SMAD2: variants seen among roughly 807,000 people sequenced by gnomAD.
The protein encoded by SMAD2 is SMAD family member 2.
Under a neutral mutation model 64.4 loss-of-function variants are expected in SMAD2, and 8 were observed. That is an observed-to-expected ratio of 0.12 (90% CI 0.07 to 0.22). The LOEUF is 0.22. SMAD2 is among the 10% of genes least tolerant of loss of function. SMAD2 has a pLI of 1.00. For missense variants in SMAD2, 289 were observed against 561.2 expected (o/e 0.51, Z 4.90); for synonymous variants, 203 against 195.8 (o/e 1.04, Z -0.31).
At chr18:47,898,737 A>G (rs1399226607) in intron 1 of SMAD2, among the ~76,000 whole-genome samples, 1 of 152,134 alleles carries the variant, frequency 6.6e-6, no homozygotes, top group Non-Finnish European at 1.5e-5. Flanking sequence ...TAAAATACAC[A>G]TGACAATTAA....
At chr18:47,846,610 C>T (rs535102865) in intron 8 of SMAD2, among the ~76,000 whole-genome samples, 1 of 152,148 alleles carries the variant, frequency 6.6e-6, no homozygotes, top group African/African-American at 2.4e-5. Flanking sequence ...AAGAGACATT[C>T]TCCATTGCTG....
chr18:47,857,312 CATGA>C (rs935164434), intron 6 of SMAD2, among the ~76,000 whole-genome samples: 5 of 151,610 alleles, frequency 3.3e-5, no homozygotes, highest in Admixed American at 2.0e-4. Flanking sequence ...ATATATAATG[CATGA>C]ATGATCATTT....
intron 2 of SMAD2, among the ~76,000 whole-genome samples, chr18:47,880,009 T>TA (rs2032494700): frequency 1.3e-5 from 2 of 152,230 alleles, no homozygotes; most frequent in Non-Finnish European, 2.9e-5. Flanking sequence ...CTGTCCATTT[T>TA]AAAATTAGGC....
chr18:47,842,547 G>A (rs1440741197), intron 10 of SMAD2, among the ~76,000 whole-genome samples: 3 of 151,878 alleles, frequency 2.0e-5, no homozygotes, highest in South Asian at 4.2e-4. Context: ...TCGGGGTGGG[G>A]GGCAGAAAAA....
At chr18:47,911,784 G>A (rs147790929) in intron 1 of SMAD2, among the ~76,000 whole-genome samples, 41 of 152,256 alleles carry the variant, frequency 2.7e-4, no homozygotes, top group Non-Finnish European at 4.6e-4. Context: ...CCTATAATAC[G>A]ACACATAAAT....
At chr18:47,842,579 G>A (rs1322689405) in intron 10 of SMAD2, among the ~76,000 whole-genome samples, 2 of 152,128 alleles carry the variant, frequency 1.3e-5, no homozygotes, top group South Asian at 2.1e-4. Context: ...AAGGAGACAC[G>A]TGAATCAGGA....
In SMAD2 at chr18:47,894,932, C is replaced by T. The variant is rs149798301; in HGVS notation, c.236+1589G>A. ...GAAGTCCTCAGTTCCACTTCTAAAA[C>T]CCATGCCAAATCTGTTTACTTCGTG... On this transcript the variant is annotated intron_variant, in intron 2 of 10. Transcript: ENST00000262160. Among the ~76,000 whole-genome samples the T allele has an allele frequency of 2.5e-3, 382 of 152,290 alleles. 2 individuals are homozygous for T. The highest frequency in any genetic ancestry group is 6.8e-3 in the Middle Eastern group (2 of 294).
intron 5 of SMAD2, chr18:47,867,502 A>C (rs1177712349): frequency 2.0e-5 from 3 of 151,992 alleles, no homozygotes; most frequent in African/African-American, 7.2e-5. Context: ...GTATAAAATA[A>C]GAGTGGAATA....
chr18:47,845,095 A>G, intron 10 of SMAD2: 1 of 609,536 alleles, frequency 1.6e-6, no homozygotes, highest in South Asian at 2.0e-5. Context: ...CACCCCTTTT[A>G]TGATATTTAA....
intron 2 of SMAD2, among the ~76,000 whole-genome samples, chr18:47,887,622 T>C (rs999084796): frequency 6.6e-5 from 10 of 152,300 alleles, no homozygotes; most frequent in African/African-American, 1.9e-4. Context: ...GTCTACTTTG[T>C]CCATGGGGGT....
chr18:47,858,873 A>G (rs917710314), intron 6 of SMAD2, among the ~76,000 whole-genome samples: 2 of 152,164 alleles, frequency 1.3e-5, no homozygotes, highest in African/African-American at 4.8e-5. Context: ...AGAGAGAACA[A>G]ATAGACAAAC....
intron 2 of SMAD2, among the ~76,000 whole-genome samples, chr18:47,882,041 CTTTTTTTTTTT>C (rs71162900): frequency 5.1e-4 from 20 of 38,868 alleles, no homozygotes; most frequent in Non-Finnish European, 9.6e-4. Context: ...CCACGCTTGG[CTTTTTTTTTTT>C]TTTTTTTTTT....
Position 47,818,234 on chromosome 18 carries a change from A to AG in SMAD2, c.*23592dup, listed in dbSNP as rs1912439086. The AG allele has an allele frequency of 6.6e-6, 1 of 152,210 alleles. No homozygotes were observed. Among genetic ancestry groups the AG allele is most frequent in the South Asian group, 2.1e-4 (1 of 4,830 alleles). The allele number at this position is 152,210 out of a possible 1,614,324, so 9.4% of individuals were successfully genotyped here. A position where few individuals can be genotyped will look rare whatever the true frequency, so the allele number is the denominator to read the frequency against. ...TACGGCATTCCAGCCAAGAACAAAA[A>AG]GAAAAAAAAAGGTCTTAAAGGGCCT... is the stretch of plus-strand genomic sequence containing the variant. On this transcript the variant is annotated 3_prime_UTR_variant, in exon 11 of 11. Coordinates refer to ENST00000262160, the MANE Select transcript of SMAD2 (RefSeq NM_005901.6).
At chr18:47,894,232 TCTGCTGTATCACACA>T (rs2033334476) in intron 2 of SMAD2, among the ~76,000 whole-genome samples, 1 of 152,208 alleles carries the variant, frequency 6.6e-6, no homozygotes, top group African/African-American at 2.4e-5. Context: ...TGGCTCTATC[TCTGCTGTATCACACA>T]GCTCCCTTCA....
At chr18:47,896,458 C>A in intron 2 of SMAD2, 63 bp downstream of exon 2, 1 of 1,537,300 alleles carries the variant, frequency 6.5e-7, no homozygotes, top group South Asian at 1.1e-5. Flanking sequence ...AACACAAATT[C>A]AGTAACTTTC....
chr18:47,879,528 G>GTGTGTGTGTGTGTGTGT (rs1555653713), intron 2 of SMAD2, among the ~76,000 whole-genome samples: 12 of 151,128 alleles, frequency 7.9e-5, no homozygotes, highest in East Asian at 5.8e-4. Flanking sequence ...GTGTGTGTGT[G>GTGTGTGTGTGTGTGTGT]GAGTCGTTTT....
Position 47,837,955 on chromosome 18 carries a change from G to A in SMAD2, c.*3872C>T, listed in dbSNP as rs1031505270. On this transcript the variant is annotated 3_prime_UTR_variant, in exon 11 of 11. Coordinates refer to ENST00000262160, the MANE Select transcript of SMAD2 (RefSeq NM_005901.6). ...ACATAAACCTACGCCACCCTCAGAC[G>A]AAGAGGGTATCTAACACTGAATAAA... 24 of 232,452 alleles carry A rather than the reference G, an allele frequency of 1.0e-4. No homozygotes were observed. The highest frequency in any genetic ancestry group is 5.4e-4 in the South Asian group (3 of 5,518). The allele number at this position is 232,452 out of a possible 1,614,324, so 14.4% of individuals were successfully genotyped here.
intron 1 of SMAD2, among the ~76,000 whole-genome samples, chr18:47,921,766 T>C (rs947834373): frequency 1.3e-5 from 2 of 152,238 alleles, no homozygotes; most frequent in African/African-American, 4.8e-5. Flanking sequence ...ACACTTCCCT[T>C]AAAGTTGACT....
In SMAD2 at chr18:47,928,800, AC is replaced by A. The variant is rs1416142361; in HGVS notation, c.-54+1560del. Among the ~76,000 whole-genome samples, 7 of 152,256 alleles carry A rather than the reference AC, an allele frequency of 4.6e-5. No individual in the cohort carries two copies. The East Asian group carries it at 1.3e-3, about 29-fold the overall frequency. ...GCTCTAAGAGCAATTTCTTACTAAA[AC>A]CCCAAAATGAACGTTTCCAATCACA... On this transcript the variant is annotated intron_variant, in intron 1 of 10. Transcript: ENST00000262160.
Sources: allele counts gnomAD v4.1 joint callset (sites outside exome capture counted in the v4.1 genomes callset), GRCh38; gene constraint gnomAD v4.1.1; transcripts MANE v1.5; gene names NCBI Gene and HGNC (gene_info 2026-07-23, HGNC 2026-07-21).